ZFHX3: variants seen among roughly 807,000 people sequenced by gnomAD.
ZFHX3 encodes zinc finger homeobox protein 3.
ZFHX3 carries 42 observed loss-of-function variants against 279.1 expected under a neutral mutation model. The observed-to-expected ratio is 0.15, with a 90% CI of 0.12 to 0.19. ZFHX3 has a LOEUF of 0.19. Among genes scored for constraint, ZFHX3 ranks in the 10% least tolerant of loss-of-function variants. The probability of loss-of-function intolerance (pLI) is 1.00; values close to 1 mark genes in which losing one functional copy is unlikely to be tolerated. For missense variants in ZFHX3, 4,981 were observed against 4,754.0 expected (o/e 1.05, Z -1.40); for synonymous variants, 2,293 against 1,957.8 (o/e 1.17, Z -4.52).
At chr16:73,807,620 A>ATTTTTTTTTTTTTTTT (rs55806545) in intron 1 of ZFHX3, among the ~76,000 whole-genome samples, 34 of 70,574 alleles carry the variant, frequency 4.8e-4, no homozygotes, top group African/African-American at 1.8e-3. Context: ...CCATGCCCCA[A>ATTTTTTTTTTTTTTTT]TTTTTTTTTT....
chr16:73,565,885 C>G (rs1256580554), intron 2 of ZFHX3, among the ~76,000 whole-genome samples: 1 of 152,162 alleles, frequency 6.6e-6, no homozygotes, highest in African/African-American at 2.4e-5. Context: ...GTGACTCTCT[C>G]TGTGTTCTCA....
At chr16:72,931,209 T>C (rs773030429) in intron 3 of ZFHX3, among the ~76,000 whole-genome samples, 1 of 152,180 alleles carries the variant, frequency 6.6e-6, no homozygotes, top group Non-Finnish European at 1.5e-5. Flanking sequence ...GATCCACTTA[T>C]GCATCTAATC....
chr16:73,574,779 G>A (rs770486828), intron 2 of ZFHX3, among the ~76,000 whole-genome samples: 5 of 152,042 alleles, frequency 3.3e-5, no homozygotes, highest in Admixed American at 6.5e-5. Flanking sequence ...CTTCATCCAC[G>A]TCATTCTCCT....
rs1387431566 is a variant in ZFHX3 at position 73,034,728 on chromosome 16, C to G, written c.-50+13024G>C. ...GTGGGGCTGTCCCCTGAGGAGGTGG[C>G]CCGTGCCTTGCTGCCACTGCTGGTC... On this transcript the variant is annotated intron_variant, in intron 1 of 9. Coordinates refer to ENST00000268489, the MANE Select transcript of ZFHX3 (RefSeq NM_006885.4). Among the ~76,000 whole-genome samples the G allele has an allele frequency of 2.6e-5, 4 of 152,206 alleles. No individual in the cohort carries two copies. The South Asian group carries it at 8.3e-4, about 31-fold the overall frequency.
At chr16:73,771,328 C>T (rs924980231) in intron 1 of ZFHX3, among the ~76,000 whole-genome samples, 6 of 152,218 alleles carry the variant, frequency 3.9e-5, no homozygotes, top group East Asian at 1.9e-4. Flanking sequence ...CTGGTGATGG[C>T]GCCCCAACAG....
intron 4 of ZFHX3, among the ~76,000 whole-genome samples, chr16:72,885,008 G>T (rs896029424): frequency 6.6e-6 from 1 of 152,228 alleles, no homozygotes; most frequent in African/African-American, 2.4e-5. Flanking sequence ...AAAATAAATT[G>T]TGGGGATTGG....
chr16:73,217,918 A>G (rs900493521), intron 5 of ZFHX3, among the ~76,000 whole-genome samples: 2 of 152,170 alleles, frequency 1.3e-5, no homozygotes, highest in African/African-American at 4.8e-5. Flanking sequence ...TTTAACCTGC[A>G]GACACCAGGA....
chr16:73,244,212 G>T (rs1197870455), intron 5 of ZFHX3, among the ~76,000 whole-genome samples: 6 of 152,196 alleles, frequency 3.9e-5, no homozygotes, highest in African/African-American at 1.4e-4. Context: ...AGTGGCAGAT[G>T]AAGGATTCTA....
intron 2 of ZFHX3, among the ~76,000 whole-genome samples, chr16:73,596,179 G>A (rs557989428): frequency 1.3e-4 from 20 of 151,792 alleles, no homozygotes; most frequent in Middle Eastern, 3.4e-3. Flanking sequence ...ATGCCACCAC[G>A]CCCGGCTAAT....
intron 1 of ZFHX3, among the ~76,000 whole-genome samples, chr16:73,711,775 C>T (rs1333103360): frequency 6.6e-6 from 1 of 152,232 alleles, no homozygotes; most frequent in Non-Finnish European, 1.5e-5. Flanking sequence ...GGTGTGTCAC[C>T]TAGAGCCATC....
intron 1 of ZFHX3, among the ~76,000 whole-genome samples, chr16:73,815,032 CT>C (rs1960528693): frequency 6.6e-6 from 1 of 152,188 alleles, no homozygotes; most frequent in Non-Finnish European, 1.5e-5. Flanking sequence ...GGAAACATTT[CT>C]CCAAATACAA....
chr16:73,641,895 T>C (rs532784336), intron 2 of ZFHX3, among the ~76,000 whole-genome samples: 1 of 152,262 alleles, frequency 6.6e-6, no homozygotes, highest in African/African-American at 2.4e-5. Flanking sequence ...CGTCAGTCTC[T>C]GCAAATTGGT....
chr16:73,720,170 T>C (rs2053460364), intron 1 of ZFHX3, among the ~76,000 whole-genome samples: 1 of 152,244 alleles, frequency 6.6e-6, no homozygotes, highest in Non-Finnish European at 1.5e-5. Context: ...TGTTTCATTA[T>C]TTAACGACAA....
chr16:73,791,397 A>G (rs2142314759), intron 1 of ZFHX3, among the ~76,000 whole-genome samples: 1 of 152,020 alleles, frequency 6.6e-6, no homozygotes, highest in East Asian at 2.0e-4. Flanking sequence ...CCGGGCCCAG[A>G]ATTTGCATTT....
At chr16:73,802,839 A>T (rs1960180509) in intron 1 of ZFHX3, among the ~76,000 whole-genome samples, 1 of 152,224 alleles carries the variant, frequency 6.6e-6, no homozygotes, top group African/African-American at 2.4e-5. Context: ...TTGTTTTTTA[A>T]TAGAGCCTCA....
intron 2 of ZFHX3, among the ~76,000 whole-genome samples, chr16:73,642,398 C>A (rs1159738292): frequency 6.6e-6 from 1 of 152,176 alleles, no homozygotes; most frequent in Middle Eastern, 3.2e-3. Context: ...CTTTTTACTT[C>A]TGTCATATTG....
intron 3 of ZFHX3, chr16:73,318,455 T>C (rs2015503842): frequency 6.6e-6 from 1 of 151,860 alleles, no homozygotes; most frequent in African/African-American, 2.4e-5. Context: ...TTTGTAAAAA[T>C]TCAAAAATGT....
chr16:73,320,904 G>A (rs2015561900), intron 3 of ZFHX3, among the ~76,000 whole-genome samples: 1 of 152,300 alleles, frequency 6.6e-6, no homozygotes, highest in East Asian at 1.9e-4. Flanking sequence ...ATGAGCTTGG[G>A]ACTGTGATAG....
At chr16:73,756,998 G>T (rs1161398509) in intron 1 of ZFHX3, among the ~76,000 whole-genome samples, 2 of 152,120 alleles carry the variant, frequency 1.3e-5, no homozygotes, top group African/African-American at 4.8e-5. Context: ...GAGTGCAAGA[G>T]GGAATGCATG....
Sources: gnomAD v4.1 joint callset for allele counts (sites outside exome capture counted in the v4.1 genomes callset) on GRCh38, gnomAD v4.1.1 for gene constraint, MANE v1.5 for transcripts, NCBI Gene and HGNC (gene_info 2026-07-23, HGNC 2026-07-21) for gene names.